FRMPD4: variants seen among roughly 807,000 people sequenced by gnomAD.
FRMPD4 encodes FERM and PDZ domain-containing protein 4.
In FRMPD4, 22 loss-of-function variants were observed where a neutral mutation model predicts 94.1. The ratio of observed to expected loss-of-function variants is 0.23; its 90% CI spans 0.17 to 0.33. The LOEUF is 0.33. FRMPD4 is among the 10% of genes least tolerant of loss of function. The pLI, the probability that FRMPD4 is intolerant of heterozygous loss-of-function variation, is 1.00. For synonymous variants in FRMPD4, 631 were observed against 548.6 expected (o/e 1.15, Z -2.10); for missense variants, 1,111 against 1,339.9 (o/e 0.83, Z 2.67).
At chrX:11,833,125 G>A (rs774781583) in intron 1 of FRMPD4, among the ~76,000 whole-genome samples, 9 of 112,080 alleles carry the variant, frequency 8.0e-5, no homozygotes, top group Non-Finnish European at 1.7e-4. Context: ...CTTTCACTGA[G>A]TAACATGCAT....
intron 4 of FRMPD4, among the ~76,000 whole-genome samples, chrX:12,629,640 T>A (rs1404616593): frequency 8.9e-6 from 1 of 112,401 alleles, no homozygotes; most frequent in Non-Finnish European, 1.9e-5. Flanking sequence ...ATTGTCCTCA[T>A]CAAGGTTATT....
intron 2 of FRMPD4, among the ~76,000 whole-genome samples, chrX:12,565,591 G>A (rs1401986769): frequency 8.9e-6 from 1 of 111,815 alleles, no homozygotes; most frequent in Non-Finnish European, 1.9e-5. Context: ...AAACTGTCAA[G>A]GTCACAAAAA....
At chrX:12,366,494 G>A (rs769320419) in intron 1 of FRMPD4, among the ~76,000 whole-genome samples, 1 of 111,887 alleles carries the variant, frequency 8.9e-6, no homozygotes, top group Non-Finnish European at 1.9e-5. Flanking sequence ...CAGAGTCTAG[G>A]TGGGAGTTTG....
At chrX:12,098,678 G>C (rs1042858781) in intron 3 of FRMPD4, among the ~76,000 whole-genome samples, 1 of 111,285 alleles carries the variant, frequency 9.0e-6, no homozygotes, top group African/African-American at 3.3e-5. Flanking sequence ...ATTTTTAATT[G>C]CTATGATTTG....
intron 2 of FRMPD4, among the ~76,000 whole-genome samples, chrX:12,589,705 G>A (rs2058964267): frequency 9.0e-6 from 1 of 111,674 alleles, no homozygotes; most frequent in East Asian, 2.8e-4. Context: ...GCTTAATTGT[G>A]CATGATTTTA....
intron 1 of FRMPD4, among the ~76,000 whole-genome samples, chrX:12,486,405 A>G (rs1394956499): frequency 1.8e-5 from 2 of 112,364 alleles, no homozygotes; most frequent in East Asian, 5.6e-4. Context: ...CCCTGCTATA[A>G]GGGGCACTTT....
rs993877221 is a variant in FRMPD4, at chrX:12,237,854, A to G, written c.41+98842A>G. On this transcript the variant is annotated intron_variant, in intron 1 of 16. Coordinates refer to ENST00000675598, the MANE Select transcript of FRMPD4 (RefSeq NM_001368397.1). ...TGTTTTCCTAAATACATTTTTAAAAATGGTTTAAGAAGCGAAGCAACAATG... is the reference window on the plus strand; with the variant it reads ...TGTTTTCCTAAATACATTTTTAAAAGTGGTTTAAGAAGCGAAGCAACAATG... Among the ~76,000 whole-genome samples, 3 of 112,710 alleles carry G rather than the reference A, an allele frequency of 2.7e-5. No individual in the cohort carries two copies. In the South Asian group the frequency reaches 1.1e-3, roughly 41 times the overall value.
At chrX:12,507,649 T>G (rs1288555856) in intron 2 of FRMPD4, among the ~76,000 whole-genome samples, 1 of 112,111 alleles carries the variant, frequency 8.9e-6, no homozygotes, top group Non-Finnish European at 1.9e-5. Context: ...TTTCTGAGGT[T>G]GCAGGGAGCT....
intron 1 of FRMPD4, among the ~76,000 whole-genome samples, chrX:12,209,307 T>G (rs748598807): frequency 2.0e-3 from 221 of 112,438 alleles, no homozygotes; most frequent in Non-Finnish European, 3.5e-3. Context: ...GTTTTTGAGA[T>G]TAACACTAAT....
chrX:12,374,753 G>A (rs1189339403), intron 1 of FRMPD4, among the ~76,000 whole-genome samples: 6 of 111,351 alleles, frequency 5.4e-5, no homozygotes, highest in East Asian at 2.8e-4. Flanking sequence ...GGGTGGTGCT[G>A]TTTCTTGGGG....
chrX:12,186,829 T>C (rs1436931847), intron 1 of FRMPD4, among the ~76,000 whole-genome samples: 1 of 112,338 alleles, frequency 8.9e-6, no homozygotes, highest in Non-Finnish European at 1.9e-5. Context: ...CATTGTATAT[T>C]TTTCTCTCTG....
chrX:12,379,082 T>C (rs749475003), intron 1 of FRMPD4, among the ~76,000 whole-genome samples: 2 of 112,213 alleles, frequency 1.8e-5, no homozygotes, highest in Admixed American at 9.5e-5. Flanking sequence ...TCTAAAGATA[T>C]ATAGTTTACC....
chrX:12,694,563 C>G, intron 9 of FRMPD4, 109 bp downstream of exon 9: 1 of 539,773 alleles, frequency 1.9e-6, no homozygotes, highest in South Asian at 3.3e-5. Context: ...TCCCCCACCT[C>G]AAGCTCAGTG....
At chrX:12,335,212 G>A (rs1457815540) in intron 1 of FRMPD4, among the ~76,000 whole-genome samples, 1 of 108,319 alleles carries the variant, frequency 9.2e-6, no homozygotes, top group Non-Finnish European at 1.9e-5. Context: ...CAGCAGCCTC[G>A]ACCGCCCAGG....
chrX:12,345,711 C>A (rs1354204978), intron 1 of FRMPD4, among the ~76,000 whole-genome samples: 1 of 112,125 alleles, frequency 8.9e-6, no homozygotes, highest in Admixed American at 9.4e-5. Flanking sequence ...CTAATTGAGC[C>A]AATGTAGTTC....
intron 1 of FRMPD4, among the ~76,000 whole-genome samples, chrX:12,431,131 C>T (rs1263739891): frequency 8.9e-6 from 1 of 112,655 alleles, no homozygotes; most frequent in Non-Finnish European, 1.9e-5. Context: ...ACCCACTATG[C>T]GTCAAGCAAT....
chrX:12,633,530 A>G (rs888547492), intron 4 of FRMPD4, among the ~76,000 whole-genome samples: 23 of 112,022 alleles, frequency 2.1e-4, no homozygotes, highest in African/African-American at 7.5e-4. Context: ...AGACATAACT[A>G]TGTTTCCCAT....
At chrX:12,232,517 C>G (rs28588092) in intron 1 of FRMPD4, among the ~76,000 whole-genome samples, 1 of 110,448 alleles carries the variant, frequency 9.1e-6, no homozygotes, top group Non-Finnish European at 1.9e-5. Context: ...TCCCACAACA[C>G]GTGGAAATTA....
At chrX:11,830,585 G>A (rs1040392498) in intron 1 of FRMPD4, among the ~76,000 whole-genome samples, 2 of 111,836 alleles carry the variant, frequency 1.8e-5, no homozygotes, top group Non-Finnish European at 3.8e-5. Context: ...TCATTAATTC[G>A]TAGTAAGCTC....
Sources: gnomAD v4.1 joint callset for allele counts (sites outside exome capture counted in the v4.1 genomes callset) on GRCh38, gnomAD v4.1.1 for gene constraint, MANE v1.5 for transcripts, NCBI Gene and HGNC (gene_info 2026-07-23, HGNC 2026-07-21) for gene names.